ANKH: variants seen among roughly 807,000 people sequenced by gnomAD.
ANKH encodes ANKH inorganic pyrophosphate transport regulator.
A neutral mutation model predicts 49.0 loss-of-function variants in ANKH; 15 were observed. That is an observed-to-expected ratio of 0.31 (90% CI 0.20 to 0.47). ANKH has a LOEUF of 0.47. ANKH is among the 20% of genes least tolerant of loss of function. The probability of loss-of-function intolerance (pLI) is 1.00; values close to 1 mark genes in which losing one functional copy is unlikely to be tolerated. For synonymous variants in ANKH, 273 were observed against 260.0 expected, an observed-to-expected ratio of 1.05 and a Z score of -0.48; for missense variants, 429 against 652.0, an observed-to-expected ratio of 0.66 and a Z score of 3.72.
chr5:14,789,827 C>CA (rs1216548015), intron 1 of ANKH, among the ~76,000 whole-genome samples: 2 of 152,166 alleles, frequency 1.3e-5, no homozygotes, highest in Non-Finnish European at 2.9e-5. Flanking sequence ...TATCCAGCCT[C>CA]AGTCTCCCCA....
chr5:14,768,667 T>C, intron 2 of ANKH: 1 of 463,164 alleles, frequency 2.2e-6, no homozygotes, highest in South Asian at 2.2e-5. Flanking sequence ...CGCACACATA[T>C]CTCTAACGAA....
In ANKH at chr5:14,710,892, G is replaced by T. The variant is rs1737156334; in HGVS notation, c.*305C>A. 2.5e-6 allele frequency: 1 copy of T among 395,962 alleles called. No homozygotes were observed. Among genetic ancestry groups the T allele is most frequent in the African/African-American group, 2.1e-5 (1 of 48,308 alleles). The allele number at this position is 395,962 out of a possible 1,614,324, so 24.5% of individuals were successfully genotyped here. On this transcript the variant is annotated 3_prime_UTR_variant, in exon 12 of 12. Transcript: ENST00000284268. ...TGGTTCCAAGAGGAGATTGTCCAGG[G>T]GAGGAGGACACAACGTCAACCGTGA...
intron 8 of ANKH, among the ~76,000 whole-genome samples, chr5:14,719,385 T>C (rs1003805077): frequency 7.2e-5 from 11 of 152,104 alleles, no homozygotes; most frequent in Admixed American, 7.2e-4. Context: ...AAGTGAGCCA[T>C]GGAGTGGAAA....
intron 2 of ANKH, among the ~76,000 whole-genome samples, chr5:14,760,307 G>A (rs371900643): frequency 3.3e-5 from 5 of 152,278 alleles, no homozygotes; most frequent in South Asian, 2.1e-4. Context: ...TGTCCCTGTC[G>A]TTTGGATCAG....
chr5:14,805,340 C>T lies in ANKH; in HGVS notation c.97-36149G>A, dbSNP rs193122519. The stretch of plus-strand genomic sequence containing the variant: ...ATGGCCTATTGCAGAACTTTGTGAT[C>T]GTGTAAGTTAATACTTAATAAACTC... On this transcript the variant is annotated intron_variant, in intron 1 of 11. Transcript: ENST00000284268. Among the ~76,000 whole-genome samples the T allele has an allele frequency of 2.5e-3, 379 of 150,108 alleles. 1 individual carries two copies. Among genetic ancestry groups the T allele is most frequent in the African/African-American group, 8.8e-3 (360 of 40,740 alleles).
intron 1 of ANKH, among the ~76,000 whole-genome samples, chr5:14,784,332 G>C (rs1739904430): frequency 6.6e-6 from 1 of 152,120 alleles, no homozygotes; most frequent in Admixed American, 6.5e-5. Flanking sequence ...CTACCAAATA[G>C]AACCAGTGAG....
intron 8 of ANKH, among the ~76,000 whole-genome samples, chr5:14,719,122 C>A (rs1034026748): frequency 1.3e-5 from 2 of 152,202 alleles, no homozygotes; most frequent in Admixed American, 1.3e-4. Flanking sequence ...CCCATCAGGG[C>A]ACGTCACTGA....
At chr5:14,796,452 T>A in intron 1 of ANKH, among the ~76,000 whole-genome samples, 1 of 73,890 alleles carries the variant, frequency 1.4e-5, no homozygotes, top group African/African-American at 6.0e-5. Flanking sequence ...CGGTCCCAAG[T>A]TAAAAAAAAA....
At chr5:14,712,619 C>T (rs1737267175) in intron 11 of ANKH, among the ~76,000 whole-genome samples, 2 of 152,228 alleles carry the variant, frequency 1.3e-5, no homozygotes, top group Admixed American at 1.3e-4. Context: ...TTCTGAAATC[C>T]ATGTCCACAC....
intron 1 of ANKH, among the ~76,000 whole-genome samples, chr5:14,798,943 T>A (rs560950523): frequency 5.9e-5 from 9 of 152,332 alleles, no homozygotes; most frequent in Non-Finnish European, 1.0e-4. Context: ...TGAGGAAGGC[T>A]TGCTACCAGC....
At chr5:14,867,806 G>A (rs542914018) in intron 1 of ANKH, among the ~76,000 whole-genome samples, 115 of 152,072 alleles carry the variant, frequency 7.6e-4, no homozygotes, top group African/African-American at 2.3e-3. Flanking sequence ...TGATCCACCC[G>A]CCTCGGCCTC....
At chr5:14,853,434 G>T (rs551354192) in intron 1 of ANKH, among the ~76,000 whole-genome samples, 1 of 152,086 alleles carries the variant, frequency 6.6e-6, no homozygotes, top group Non-Finnish European at 1.5e-5. Flanking sequence ...AAAATTAGCC[G>T]GGTGTGGCAG....
chr5:14,792,525 A>T (rs574050346), intron 1 of ANKH, among the ~76,000 whole-genome samples: 206 of 152,104 alleles, frequency 1.4e-3, no homozygotes, highest in African/African-American at 4.8e-3. Flanking sequence ...CACAGTGGGG[A>T]ATGGACCTCC....
intron 8 of ANKH, 166 bp downstream of exon 8, chr5:14,741,661 A>C (rs1440461465): frequency 1.6e-6 from 1 of 628,494 alleles, no homozygotes; most frequent in Non-Finnish European, 2.8e-6. Flanking sequence ...GGCCTCCTTG[A>C]ATAACAATCG....
intron 8 of ANKH, among the ~76,000 whole-genome samples, chr5:14,739,474 T>C (rs1738287707): frequency 6.6e-6 from 1 of 152,184 alleles, no homozygotes; most frequent in Non-Finnish European, 1.5e-5. Flanking sequence ...TGTCTTTCAG[T>C]GAAAACTCCT....
intron 1 of ANKH, among the ~76,000 whole-genome samples, chr5:14,841,890 T>C (rs903134532): frequency 2.0e-5 from 3 of 152,196 alleles, no homozygotes; most frequent in African/African-American, 7.2e-5. Context: ...GGGTGGTCTA[T>C]ATTGTGGCAT....
At chr5:14,777,771 C>G (rs1446261706) in intron 1 of ANKH, among the ~76,000 whole-genome samples, 1 of 152,206 alleles carries the variant, frequency 6.6e-6, no homozygotes, top group Non-Finnish European at 1.5e-5. Context: ...GGTGTACAAG[C>G]TGCTCAGCTC....
In ANKH at chr5:14,711,129, A is replaced by C; in HGVS notation, c.*68T>G. On this transcript the variant is annotated 3_prime_UTR_variant, in exon 12 of 12. Coordinates refer to ENST00000284268, the MANE Select transcript of ANKH (RefSeq NM_054027.6). ...AAAAGGGAACAAAATACGATGGGAG[A>C]GGGAAGAGATGATGCCGAAGTGTCA... The C allele has an allele frequency of 7.8e-7, 1 of 1,276,884 alleles. No individual in the cohort carries two copies. Among genetic ancestry groups the C allele is most frequent in the South Asian group, 1.2e-5 (1 of 84,400 alleles). The allele number at this position is 1,276,884 out of a possible 1,614,324, so 79.1% of individuals were successfully genotyped here. A position where few individuals can be genotyped will look rare whatever the true frequency, so the allele number is the denominator to read the frequency against.
intron 8 of ANKH, among the ~76,000 whole-genome samples, chr5:14,736,841 T>A (rs997648258): frequency 6.6e-6 from 1 of 152,228 alleles, no homozygotes; most frequent in African/African-American, 2.4e-5. Flanking sequence ...TTCCATTGTG[T>A]GCTAATGGTT....
Sources: allele counts gnomAD v4.1 joint callset (sites outside exome capture counted in the v4.1 genomes callset), GRCh38; gene constraint gnomAD v4.1.1; transcripts MANE v1.5; gene names NCBI Gene and HGNC (gene_info 2026-07-23, HGNC 2026-07-21).